Variants in RNF185 observed in about 807,000 individuals in gnomAD.
RNF185 encodes ring finger protein 185.
RNF185 carries 13 observed loss-of-function variants against 24.9 expected under a neutral mutation model. The ratio of observed to expected loss-of-function variants is 0.52; its 90% CI spans 0.34 to 0.83. The LOEUF (loss-of-function observed/expected upper bound fraction) is 0.83. Among genes scored for constraint, RNF185 ranks in the 40% least tolerant of loss-of-function variants. The pLI, the probability that RNF185 is intolerant of heterozygous loss-of-function variation, is 0.01. For synonymous variants in RNF185, 79 were observed against 90.3 expected (o/e 0.88, Z 0.71); for missense variants, 184 against 244.7 (o/e 0.75, Z 1.65).
chr22:31,204,780 G>C lies in RNF185; in HGVS notation c.*194G>C. The C allele has an allele frequency of 1.8e-6, 1 of 565,964 alleles. No homozygotes were observed. Among genetic ancestry groups the C allele is most frequent in the Non-Finnish European group, 3.2e-6 (1 of 312,124 alleles). The allele number at this position is 565,964 out of a possible 1,614,324, so 35.1% of individuals were successfully genotyped here. On this transcript the variant is annotated 3_prime_UTR_variant, in exon 7 of 7. Coordinates refer to ENST00000326132, the MANE Select transcript of RNF185 (RefSeq NM_152267.4). ...GCGATGACCCCTGAATATCGCCACC[G>C]CTGTAAACACTCTATAACTTCAGGC...
intron 2 of RNF185, among the ~76,000 whole-genome samples, chr22:31,188,955 T>TAAAAAAAAAAAAAA (rs34561325): frequency 8.5e-6 from 1 of 118,092 alleles, no homozygotes; most frequent in Non-Finnish European, 1.7e-5. Flanking sequence ...CCGTTTCTAC[T>TAAAAAAAAAAAAAA]AAAAAAAAAA....
intron 1 of RNF185, among the ~76,000 whole-genome samples, chr22:31,180,292 G>C (rs2048021463): frequency 6.6e-6 from 1 of 152,014 alleles, no homozygotes; most frequent in Non-Finnish European, 1.5e-5. Context: ...GCGAAACCCT[G>C]TCTCTACTAA....
rs550586915 is a variant in RNF185 at position 31,175,477 on chromosome 22, A to G, written c.-48-11570A>G. Among the ~76,000 whole-genome samples, 54 of 151,964 alleles carry G rather than the reference A, an allele frequency of 3.6e-4. No homozygotes were observed. In the South Asian group the frequency reaches 3.9e-3, roughly 11 times the overall value. On this transcript the variant is annotated intron_variant, in intron 1 of 6. Coordinates refer to ENST00000326132, the MANE Select transcript of RNF185 (RefSeq NM_152267.4). Reference sequence around the variant, plus strand: ...CAAAAAAAAAAAAAAGCCATATATCATCTTTTGGAAAACATACATGTCATT... The same window carrying G: ...CAAAAAAAAAAAAAAGCCATATATCGTCTTTTGGAAAACATACATGTCATT...
intron 1 of RNF185, among the ~76,000 whole-genome samples, chr22:31,181,477 A>T (rs1255935420): frequency 1.3e-5 from 2 of 151,922 alleles, no homozygotes; most frequent in African/African-American, 4.8e-5. Flanking sequence ...CTCCATTTTT[A>T]TTTTTTTCCC....
intron 1 of RNF185, among the ~76,000 whole-genome samples, chr22:31,167,482 A>G (rs1231510885): frequency 6.6e-6 from 1 of 151,952 alleles, no homozygotes; most frequent in Admixed American, 6.6e-5. Flanking sequence ...TCCTCCCCCC[A>G]GCTCCTGGTA....
intron 1 of RNF185, among the ~76,000 whole-genome samples, chr22:31,175,622 C>T (rs1171259721): frequency 6.6e-6 from 1 of 152,096 alleles, no homozygotes; most frequent in Admixed American, 6.6e-5. Flanking sequence ...TTTGACCCTG[C>T]AGTTCTACTT....
chr22:31,198,394 C>CTTT (rs11298437), intron 5 of RNF185, among the ~76,000 whole-genome samples: 7 of 96,936 alleles, frequency 7.2e-5, no homozygotes, highest in Admixed American at 1.2e-4. Flanking sequence ...TCTTTGCACA[C>CTTT]TTTTTTTTTT....
rs1200731309 is a variant in RNF185 at position 31,204,615 on chromosome 22, G to C, written c.*29G>C. On this transcript the variant is annotated 3_prime_UTR_variant, in exon 7 of 7. Transcript: ENST00000326132. Reference sequence around the variant, plus strand: ...TGGGCTCCTGCCTACATCCGTGGCAGGGCTCTGGACTGGTGACGTGCCACC... The same window carrying C: ...TGGGCTCCTGCCTACATCCGTGGCACGGCTCTGGACTGGTGACGTGCCACC... 3 of 1,466,168 alleles carry C rather than the reference G, an allele frequency of 2.0e-6. No individual in the cohort carries two copies. The African/African-American group carries it at 4.2e-5, about 20-fold the overall frequency. The allele number at this position is 1,466,168 out of a possible 1,614,324, so 90.8% of individuals were successfully genotyped here. A position where few individuals can be genotyped will look rare whatever the true frequency, so the allele number is the denominator to read the frequency against.
At chr22:31,195,248 G>A (rs1006900246) in intron 3 of RNF185, among the ~76,000 whole-genome samples, 7 of 152,112 alleles carry the variant, frequency 4.6e-5, no homozygotes, top group African/African-American at 1.4e-4. Flanking sequence ...CACCGCACCC[G>A]GCCAATTATG....
intron 2 of RNF185, among the ~76,000 whole-genome samples, chr22:31,192,159 A>G (rs1208095066): frequency 6.6e-6 from 1 of 152,184 alleles, no homozygotes; most frequent in Non-Finnish European, 1.5e-5. Context: ...AAGGATGAGG[A>G]CAGCCTGAAG....
At chr22:31,164,583 C>CTTTTTTT (rs200649012) in intron 1 of RNF185, among the ~76,000 whole-genome samples, 2 of 91,754 alleles carry the variant, frequency 2.2e-5, no homozygotes, top group Non-Finnish European at 2.1e-5. Flanking sequence ...TCCTCATTGT[C>CTTTTTTT]TTTTTTTTTT....
chr22:31,185,649 T>C (rs1412518546), intron 1 of RNF185, among the ~76,000 whole-genome samples: 1 of 152,202 alleles, frequency 6.6e-6, no homozygotes, highest in Non-Finnish European at 1.5e-5. Flanking sequence ...TATCCAGGCC[T>C]CCACTTCTCT....
At chr22:31,188,732 G>A (rs922549837) in intron 2 of RNF185, among the ~76,000 whole-genome samples, 4 of 151,806 alleles carry the variant, frequency 2.6e-5, no homozygotes, top group African/African-American at 9.7e-5. Flanking sequence ...TGGGAGGAAG[G>A]CTTGAGCCCA....
intron 1 of RNF185, among the ~76,000 whole-genome samples, chr22:31,172,011 T>C (rs2047935358): frequency 6.6e-6 from 1 of 152,208 alleles, no homozygotes; most frequent in Non-Finnish European, 1.5e-5. Context: ...TTGTCAAGTA[T>C]ATACCGGGTA....
At chr22:31,180,885 G>A (rs2048027662) in intron 1 of RNF185, among the ~76,000 whole-genome samples, 1 of 150,226 alleles carries the variant, frequency 6.7e-6, no homozygotes, top group African/African-American at 2.5e-5. Context: ...ATGGTTTAAT[G>A]TGTATTTTCT....
At chr22:31,202,016 C>T (rs1037057043) in intron 6 of RNF185, among the ~76,000 whole-genome samples, 5 of 152,194 alleles carry the variant, frequency 3.3e-5, no homozygotes, top group East Asian at 1.9e-4. Flanking sequence ...CCACTTTGAC[C>T]ATTTGGGGGC....
chr22:31,169,489 T>C (rs139906862), intron 1 of RNF185, among the ~76,000 whole-genome samples: 258 of 152,324 alleles, frequency 1.7e-3, no homozygotes, highest in African/African-American at 5.5e-3. Context: ...GGCTCCTGGT[T>C]TAAAATTCTC....
intron 1 of RNF185, among the ~76,000 whole-genome samples, chr22:31,182,812 G>A (rs1202445236): frequency 6.6e-6 from 1 of 151,904 alleles, no homozygotes; most frequent in Admixed American, 6.6e-5. Flanking sequence ...CCTGTAGAAA[G>A]TCCCACATTC....
intron 1 of RNF185, among the ~76,000 whole-genome samples, chr22:31,165,590 A>C (rs1361351395): frequency 1.3e-5 from 2 of 152,236 alleles, no homozygotes; most frequent in Non-Finnish European, 2.9e-5. Context: ...TGGACATACT[A>C]AAGCACAAAG....
Sources: allele counts gnomAD v4.1 joint callset (sites outside exome capture counted in the v4.1 genomes callset), GRCh38; gene constraint gnomAD v4.1.1; transcripts MANE v1.5; gene names NCBI Gene and HGNC (gene_info 2026-07-23, HGNC 2026-07-21).